Variants in NOBOX observed in about 807,000 individuals in gnomAD.
NOBOX encodes the protein NOBOX oogenesis homeobox, also known as homeobox protein NOBOX.
A neutral mutation model predicts 60.2 loss-of-function variants in NOBOX; 46 were observed. The observed-to-expected ratio is 0.76, with a 90% CI of 0.60 to 0.98. The LOEUF is 0.98. NOBOX is among the 50% of genes least tolerant of loss of function. The pLI, the probability that NOBOX is intolerant of heterozygous loss-of-function variation, is 0.00. For synonymous variants in NOBOX, 360 were observed against 346.3 expected, an observed-to-expected ratio of 1.04 and a Z score of -0.44; for missense variants, 880 against 865.5, an observed-to-expected ratio of 1.02 and a Z score of -0.21.
chr7:144,408,682 T>G (rs76471729), intron 1 of NOBOX, among the ~76,000 whole-genome samples: 1,540 of 152,308 alleles, frequency 0.01, 26 homozygotes, highest in African/African-American at 0.035. Flanking sequence ...TAGGCTACAC[T>G]GTTTATTTGA....
chr7:144,400,106 C>A lies in NOBOX; in HGVS notation c.1047+4G>T, dbSNP rs147696568. Reference sequence around the variant, plus strand: ...CACGTCTGAGGCCTCAATTCAGCTCCTACCCAGGCTACCGCTGAGCGCTCA... The same window carrying A: ...CACGTCTGAGGCCTCAATTCAGCTCATACCCAGGCTACCGCTGAGCGCTCA... On this transcript the variant is annotated splice_donor_region_variant and intron_variant, in intron 5 of 9. Transcript: ENST00000467773. 1 of 1,611,292 alleles carries A rather than the reference C, an allele frequency of 6.2e-7. No homozygotes were observed. Among genetic ancestry groups the A allele is most frequent in the East Asian group, 2.2e-5 (1 of 44,870 alleles).
At position 144,399,835 on chromosome 7, in the gene NOBOX, C is replaced by T. The variant is rs1246754816; in HGVS notation, c.1076G>A (p.Trp359Ter). 2 of 1,612,418 alleles carry T rather than the reference C, an allele frequency of 1.2e-6. No individual in the cohort carries two copies. Among genetic ancestry groups the T allele is most frequent in the Non-Finnish European group, 1.7e-6 (2 of 1,178,756 alleles). Residue 359 changes from tryptophan to a stop codon, truncating the protein, a stop_gained, in exon 6 of 10, where the codon TGG (tryptophan) becomes TAG (stop). Coordinates refer to ENST00000467773, the MANE Select transcript of NOBOX (RefSeq NM_001080413.3). LOFTEE classifies it high-confidence loss of function. ...CCCATTCAGTTTCTCCATTTTTCGC[C>T]ACTTGGCCCGGCGATTCTGGAACCA... is the stretch of plus-strand genomic sequence containing the variant.
At chr7:144,402,812 C>CGTG (rs2053952170) in intron 2 of NOBOX, among the ~76,000 whole-genome samples, 1 of 125,046 alleles carries the variant, frequency 8.0e-6, no homozygotes, top group Non-Finnish European at 1.6e-5. Context: ...GCTGCAGTGA[C>CGTG]ATGGTGCAAT....
At chr7:144,403,852 C>G (rs1205913804) in intron 2 of NOBOX, among the ~76,000 whole-genome samples, 159 bp from the exon 1 acceptor site, 1 of 151,782 alleles carries the variant, frequency 6.6e-6, no homozygotes, top group African/African-American at 2.4e-5. Flanking sequence ...ACCCCCAGGG[C>G]GAGGCCGGCC....
In NOBOX at chr7:144,397,625, C is replaced by G. The variant is rs75574842; in HGVS notation, c.1775-84G>C. On this transcript the variant is annotated intron_variant, in intron 9 of 9. Transcript: ENST00000467773. The stretch of plus-strand genomic sequence containing the variant: ...AACAGTGTTCTACAACAGATCCCCC[C>G]GTGCCCCAACACACATAGACGCAGC... 4,908 of 1,210,642 alleles carry G rather than the reference C, an allele frequency of 4.1e-3. 104 individuals are homozygous for G. In the Middle Eastern group the frequency reaches 0.048, roughly 12 times the overall value. 75.0% of individuals were successfully genotyped at this position (1,210,642 alleles called of 1,614,324 possible). A position where few individuals can be genotyped will look rare whatever the true frequency, so the allele number is the denominator to read the frequency against.
Position 144,401,358 on chromosome 7 carries a change from G to T in NOBOX, c.532C>A (p.Pro178Thr), listed in dbSNP as rs1587092149. 6.2e-7 allele frequency: 1 copy of T among 1,613,842 alleles called. No homozygotes were observed. The highest frequency in any genetic ancestry group is 8.5e-7 in the Non-Finnish European group (1 of 1,179,824). ...GAACAATCTTCCCCCTGAGTCTGGG[G>T]CCTGGAGCGGGCTAGAGTTCTGTCT... is the stretch of plus-strand genomic sequence containing the variant. The change falls in exon 4 of 10, where the codon CCC (proline) becomes ACC (threonine). Residue 178 changes from proline to threonine, a missense_variant. By Grantham distance (38) the Pro-to-Thr change is conservative. Transcript: ENST00000467773. The surrounding 1 kb of genome is among the most constrained non-coding windows in gnomAD (Gnocchi z 4.2).
chr7:144,401,619 T>C lies in NOBOX; in HGVS notation c.293-22A>G. On this transcript the variant is annotated intron_variant, in intron 3 of 9. Coordinates refer to ENST00000467773, the MANE Select transcript of NOBOX (RefSeq NM_001080413.3). This position sits in a 1 kb window ranked among gnomAD's most constrained non-coding sequence, Gnocchi z 4.2. ...TGGCCTGTGGGGAGCCAACATCCAC[T>C]GACCTTAGCACCAGGGAGAAGGAAG... is the stretch of plus-strand genomic sequence containing the variant. The C allele has an allele frequency of 6.7e-7, 1 of 1,500,078 alleles. No individual in the cohort carries two copies. The highest frequency in any genetic ancestry group is 1.9e-4 in the Middle Eastern group (1 of 5,264). 92.9% of individuals were successfully genotyped at this position (1,500,078 alleles called of 1,614,324 possible). A position where few individuals can be genotyped will look rare whatever the true frequency, so the allele number is the denominator to read the frequency against.
chr7:144,404,029 G>A (rs1354513179), intron 2 of NOBOX, among the ~76,000 whole-genome samples: 1 of 152,124 alleles, frequency 6.6e-6, no homozygotes, highest in Admixed American at 6.5e-5. Context: ...GCGGGAGCGA[G>A]GCTACCCGGT....
At chr7:144,405,746 CT>C (rs965717436) in intron 1 of NOBOX, among the ~76,000 whole-genome samples, 22 of 152,168 alleles carry the variant, frequency 1.4e-4, no homozygotes, top group African/African-American at 4.6e-4. Context: ...TTAAAACCCC[CT>C]GGATCAGAAT....
rs2053940293 is a variant in NOBOX at position 144,401,581 on chromosome 7, C to T, written c.309G>A (p.Glu103=). 2 of 1,506,640 alleles carry T rather than the reference C, an allele frequency of 1.3e-6. No homozygotes were observed. Among genetic ancestry groups the T allele is most frequent in the South Asian group, 1.4e-5 (1 of 72,332 alleles). The allele number at this position is 1,506,640 out of a possible 1,614,324, so 93.3% of individuals were successfully genotyped here. ...CCCCGGGTCCTGCAGCCAGGGGCTT[C>T]TCTCCAGCTTTCTGGCCTGTGGGGA... is the stretch of plus-strand genomic sequence containing the variant. Residue 103 remains glutamate (E), a synonymous_variant, in exon 4 of 10, where the codon GAG becomes GAA. Transcript: ENST00000467773. The surrounding 1 kb of genome is among the most constrained non-coding windows in gnomAD (Gnocchi z 4.2).
chr7:144,398,487 T>C lies in NOBOX; in HGVS notation c.1569A>G (p.Pro523=), dbSNP rs755102910. The change falls in exon 9 of 10, where the codon CCA becomes CCG. Residue 523 remains proline (P), a synonymous_variant. Transcript: ENST00000467773. ...GAGGGGACTGGAAAAGCGGGGGCTG[T>C]GGAGCCTGGGAGAACTGGAAGGGTC... is the stretch of plus-strand genomic sequence containing the variant. The C allele has an allele frequency of 9.0e-5, 139 of 1,536,888 alleles. No homozygotes were observed. The highest frequency in any genetic ancestry group is 1.8e-4 in the Admixed American group (9 of 50,962).
At chr7:144,397,646 G>A (rs1375342802) in intron 9 of NOBOX, 105 bp from the exon 8 acceptor site, 20 of 985,292 alleles carry the variant, frequency 2.0e-5, no homozygotes, top group Admixed American at 2.8e-5. Context: ...ACACATAGAC[G>A]CAGCTTAGGA....
At chr7:144,408,727 G>A (rs554537483) in intron 1 of NOBOX, among the ~76,000 whole-genome samples, 241 of 152,292 alleles carry the variant, frequency 1.6e-3, no homozygotes, top group African/African-American at 5.4e-3. Context: ...AGTGAATCCC[G>A]CATGGGGGAT....
At chr7:144,397,092 A>T, downstream of NOBOX, 1 of 650,324 alleles carries the variant, frequency 1.5e-6, no homozygotes, top group South Asian at 2.7e-5. Context: ...TTCTCATATC[A>T]ACAAGACGAG....
At chr7:144,397,192 C>CAAT (rs1488416671), downstream of NOBOX, 15 of 1,472,420 alleles carry the variant, frequency 1.0e-5, no homozygotes, top group Admixed American at 1.3e-4. Context: ...TCAGCGAGCC[C>CAAT]AATCCTATCC....
chr7:144,407,452 A>G (rs1299901242), intron 1 of NOBOX, among the ~76,000 whole-genome samples: 16 of 152,232 alleles, frequency 1.1e-4, no homozygotes, highest in Admixed American at 8.5e-4. Flanking sequence ...ACAGCAAGGT[A>G]TGGGAGGTCA....
At chr7:144,399,923 C>T in intron 5 of NOBOX, 60 bp from the exon 4 acceptor site, 1 of 1,426,740 alleles carries the variant, frequency 7.0e-7, no homozygotes, top group Non-Finnish European at 9.7e-7. Flanking sequence ...AGGCTTAGGT[C>T]CTGGCTGTTG....
rs2053899968 is a variant in NOBOX, at chr7:144,397,336, G to C, written c.1980C>G (p.Leu660=). Reference sequence around the variant, plus strand: ...CTGGTGGTTCCTCTTTTGCCTTGCTGAGTAAGGGCCCAGTCCCTGGTCTGG... The same window carrying C: ...CTGGTGGTTCCTCTTTTGCCTTGCTCAGTAAGGGCCCAGTCCCTGGTCTGG... The change falls in exon 10 of 10, where the codon CTC becomes CTG. Residue 660 remains leucine, a synonymous_variant. Transcript: ENST00000467773. 1 of 1,537,256 alleles carries C rather than the reference G, an allele frequency of 6.5e-7. No individual in the cohort carries two copies. The highest frequency in any genetic ancestry group is 8.7e-7 in the Non-Finnish European group (1 of 1,146,904).
chr7:144,399,385 G>T lies in NOBOX; in HGVS notation c.1240+12C>A, dbSNP rs770669424. 43 of 1,555,130 alleles carry T rather than the reference G, an allele frequency of 2.8e-5. No individual in the cohort carries two copies. The highest frequency in any genetic ancestry group is 3.5e-5 in the Non-Finnish European group (40 of 1,142,874). ...TTGCCATTTTCCCCCAGCTCTGAAG[G>T]TGGGAACTCACCTGGAAAGGTATCC... On this transcript the variant is annotated intron_variant, in intron 7 of 9. Coordinates refer to ENST00000467773, the MANE Select transcript of NOBOX (RefSeq NM_001080413.3).
Sources: allele counts gnomAD v4.1 joint callset (sites outside exome capture counted in the v4.1 genomes callset), GRCh38; gene constraint gnomAD v4.1.1; non-coding constraint Gnocchi (gnomAD v3.1); transcripts MANE v1.5; gene names NCBI Gene and HGNC (gene_info 2026-07-23, HGNC 2026-07-21).